The following SPMIP10 variants were observed in gnomAD, a reference collection of about 807,000 sequenced individuals.
SPMIP10 encodes sperm-associated microtubule inner protein 10.
chr5:126,634,870 C>A, the SPMIP10 span, among the ~76,000 whole-genome samples: 1 of 152,020 alleles, frequency 6.6e-6, no homozygotes, highest in Non-Finnish European at 1.5e-5. Context: ...CATCTAACAA[C>A]ATTAAAAAAT....
At chr5:126,632,277 A>C in the SPMIP10 span, among the ~76,000 whole-genome samples, 1 of 150,514 alleles carries the variant, frequency 6.6e-6, no homozygotes, top group African/African-American at 2.4e-5. Flanking sequence ...AAAAAAAAAA[A>C]AAAAAAAAAG....
the SPMIP10 span, chr5:126,636,061 C>A: frequency 5.0e-6 from 8 of 1,613,802 alleles, no homozygotes; most frequent in African/African-American, 9.4e-5. Flanking sequence ...TCCATACTGG[C>A]CCTTTAGAAG....
chr5:126,631,887 C>T, the SPMIP10 span: 26 of 938,070 alleles, frequency 2.8e-5, no homozygotes, highest in African/African-American at 8.2e-5. Context: ...CACAAAGATA[C>T]GGTCAATAAC....
At chr5:126,633,008 C>CATATACATAT in the SPMIP10 span, among the ~76,000 whole-genome samples, 3 of 125,332 alleles carry the variant, frequency 2.4e-5, no homozygotes, top group African/African-American at 1.2e-4. Flanking sequence ...ATAAATTTTA[C>CATATACATAT]ATATATATAT....
the SPMIP10 span, among the ~76,000 whole-genome samples, chr5:126,634,889 C>G: frequency 1.3e-5 from 2 of 151,978 alleles, no homozygotes; most frequent in African/African-American, 2.4e-5. Context: ...ATATAGCACA[C>G]AGACTAGGTG....
the SPMIP10 span, chr5:126,636,109 T>A: frequency 3.8e-5 from 61 of 1,614,052 alleles, no homozygotes; most frequent in Non-Finnish European, 4.8e-5. Context: ...GGCTTTGCCA[T>A]GGGGAAGATC....
chr5:126,633,889 G>T, the SPMIP10 span, among the ~76,000 whole-genome samples: 1 of 151,826 alleles, frequency 6.6e-6, no homozygotes, highest in African/African-American at 2.4e-5. Flanking sequence ...GGTCTCCTGG[G>T]CCCAAGCGAT....
chr5:126,631,718 A>T, the SPMIP10 span: 1 of 1,534,082 alleles, frequency 6.5e-7, no homozygotes, highest in Non-Finnish European at 9.0e-7. Flanking sequence ...TGAGTATTCC[A>T]TCCATTGCTG....
the SPMIP10 span, among the ~76,000 whole-genome samples, chr5:126,632,891 G>A: frequency 1.9e-3 from 293 of 151,700 alleles, no homozygotes; most frequent in Non-Finnish European, 3.1e-3. Flanking sequence ...GGAGGCTGAG[G>A]CATGAGAATC....
chr5:126,635,008 TA>T, the SPMIP10 span, among the ~76,000 whole-genome samples: 30 of 146,698 alleles, frequency 2.0e-4, no homozygotes, highest in Admixed American at 2.1e-4. Flanking sequence ...TCCTGTCTAT[TA>T]AAAAAAAAAA....
At chr5:126,636,133 C>T in the SPMIP10 span, 1 of 1,613,956 alleles carries the variant, frequency 6.2e-7, no homozygotes, top group Admixed American at 1.7e-5. Context: ...AAGTTGTCTT[C>T]CAAAAAGGCC....
At chr5:126,632,451 C>A in the SPMIP10 span, 1 of 729,168 alleles carries the variant, frequency 1.4e-6, no homozygotes, top group Non-Finnish European at 2.5e-6. Flanking sequence ...AGCAGGGGAC[C>A]AAACATGAAT....
chr5:126,634,732 A>G, the SPMIP10 span, among the ~76,000 whole-genome samples: 1 of 152,228 alleles, frequency 6.6e-6, no homozygotes, highest in Non-Finnish European at 1.5e-5. Context: ...GTTCCTACCA[A>G]TGAAACTTAA....
chr5:126,636,262 A>G, the SPMIP10 span: 7 of 1,579,212 alleles, frequency 4.4e-6, no homozygotes, highest in Non-Finnish European at 6.1e-6. Flanking sequence ...ATAAAATAAT[A>G]AAGTGTTTCA....
At chr5:126,635,835 TA>T in the SPMIP10 span, among the ~76,000 whole-genome samples, 18,464 of 151,636 alleles carry the variant, frequency 0.12, 1,304 homozygotes, top group African/African-American at 0.19. Context: ...CCTAATTTTT[TA>T]TTTTTTGTAT....
the SPMIP10 span, among the ~76,000 whole-genome samples, chr5:126,633,024 T>TATATATATATATATATATATATAAAA: frequency 1.4e-5 from 2 of 138,890 alleles, no homozygotes; most frequent in African/African-American, 6.2e-5. Flanking sequence ...TATATATATA[T>TATATATATATATATATATATATAAAA]ATATATATAA....
the SPMIP10 span, chr5:126,635,886 T>C: frequency 1.4e-6 from 1 of 705,966 alleles, no homozygotes; most frequent in African/African-American, 1.8e-5. Context: ...GGTCTCAAAT[T>C]CCTGAGCTCA....
At chr5:126,632,442 G>A in the SPMIP10 span, 2 of 689,770 alleles carry the variant, frequency 2.9e-6, no homozygotes, top group African/African-American at 3.6e-5. Context: ...TCCTGCAACA[G>A]CAGGGGACCA....
chr5:126,635,078 G>A, the SPMIP10 span, among the ~76,000 whole-genome samples: 1,245 of 151,702 alleles, frequency 8.2e-3, 8 homozygotes, highest in Middle Eastern at 0.014. Flanking sequence ...TGAGGCAGGA[G>A]GATTGCTTGA....
Sources: gnomAD v4.1 joint callset for allele counts (sites outside exome capture counted in the v4.1 genomes callset) on GRCh38, gnomAD v4.1.1 for gene constraint, MANE v1.5 for transcripts, NCBI Gene and HGNC (gene_info 2026-07-23, HGNC 2026-07-21) for gene names.